Variants in CORIN observed in about 807,000 individuals in gnomAD.
The protein encoded by CORIN is corin, serine peptidase.
Under a neutral mutation model 125.3 loss-of-function variants are expected in CORIN, and 117 were observed. The observed-to-expected ratio is 0.93, with a 90% CI of 0.80 to 1.09. CORIN has a LOEUF of 1.09. Among genes scored for constraint, CORIN ranks in the 50% least tolerant of loss-of-function variants. The pLI is 0.00. For missense variants in CORIN, 1,253 were observed against 1,306.7 expected (o/e 0.96, Z 0.63); for synonymous variants, 450 against 466.4 (o/e 0.96, Z 0.45).
At chr4:47,721,916 C>T (rs1314831398) in intron 5 of CORIN, among the ~76,000 whole-genome samples, 1 of 152,190 alleles carries the variant, frequency 6.6e-6, no homozygotes, top group Non-Finnish European at 1.5e-5. Context: ...CTACCTTAAC[C>T]ATATTCACCA....
At chr4:47,778,236 C>G (rs1423343896) in intron 3 of CORIN, among the ~76,000 whole-genome samples, 1 of 152,190 alleles carries the variant, frequency 6.6e-6, no homozygotes, top group Non-Finnish European at 1.5e-5. Context: ...GACTGTTTGA[C>G]TCTCACTTGC....
intron 4 of CORIN, among the ~76,000 whole-genome samples, chr4:47,752,241 A>G (rs1728935819): frequency 6.6e-6 from 1 of 152,168 alleles, no homozygotes; most frequent in African/African-American, 2.4e-5. Context: ...ACTATCCGCT[A>G]AACGAGTATT....
intron 3 of CORIN, among the ~76,000 whole-genome samples, chr4:47,773,699 TC>T (rs1381747088): frequency 2.0e-5 from 3 of 152,070 alleles, no homozygotes; most frequent in Admixed American, 6.6e-5. Flanking sequence ...AAAATGAACT[TC>T]TAGTCTCCTT....
intron 16 of CORIN, among the ~76,000 whole-genome samples, chr4:47,628,222 G>A (rs532470668): frequency 6.6e-6 from 1 of 152,294 alleles, no homozygotes; most frequent in Admixed American, 6.5e-5. Context: ...AAAAAAGTCA[G>A]TGAATTTGTT....
At position 47,595,695 on chromosome 4, in the gene CORIN, G is replaced by A; in HGVS notation, c.*26C>T. On this transcript the variant is annotated 3_prime_UTR_variant, in exon 22 of 22. Transcript: ENST00000273857. ...AGGCCATTTTCTTTTAGTGTAGCTG[G>A]CAAAAGTCTCTGATCATCCTTATAA... is the stretch of plus-strand genomic sequence containing the variant. 6.4e-7 allele frequency: 1 copy of A among 1,563,740 alleles called. No homozygotes were observed. Among genetic ancestry groups the A allele is most frequent in the South Asian group, 1.2e-5 (1 of 82,148 alleles).
chr4:47,617,407 T>C (rs951686805), intron 19 of CORIN, among the ~76,000 whole-genome samples: 1 of 152,200 alleles, frequency 6.6e-6, no homozygotes, highest in Non-Finnish European at 1.5e-5. Context: ...GCTCCAAGTT[T>C]CTGAAAGCCC....
intron 16 of CORIN, among the ~76,000 whole-genome samples, chr4:47,641,302 G>T (rs1445304739): frequency 6.6e-6 from 1 of 152,034 alleles, no homozygotes; most frequent in Non-Finnish European, 1.5e-5. Context: ...AATGGTAAAA[G>T]AAATACTTAC....
intron 12 of CORIN, among the ~76,000 whole-genome samples, chr4:47,654,014 T>C (rs765689906): frequency 2.0e-5 from 3 of 152,190 alleles, no homozygotes; most frequent in Non-Finnish European, 1.5e-5. Context: ...CACATCCCCA[T>C]CTTTCCACCT....
At chr4:47,637,147 T>C (rs1723057753) in intron 16 of CORIN, among the ~76,000 whole-genome samples, 3 of 152,180 alleles carry the variant, frequency 2.0e-5, no homozygotes, top group South Asian at 2.1e-4. Flanking sequence ...CCCTAGAGAT[T>C]TGTGGAACTT....
At chr4:47,799,106 G>T (rs930606281) in intron 2 of CORIN, among the ~76,000 whole-genome samples, 8 of 141,452 alleles carry the variant, frequency 5.7e-5, no homozygotes, top group East Asian at 4.1e-4. Flanking sequence ...TATCCCATGG[G>T]GTGTGTGTGT....
intron 19 of CORIN, among the ~76,000 whole-genome samples, chr4:47,614,351 A>T (rs962464215): frequency 6.6e-6 from 1 of 152,086 alleles, no homozygotes; most frequent in East Asian, 1.9e-4. Context: ...GCCCACCACC[A>T]TGCCTGGCTA....
intron 5 of CORIN, among the ~76,000 whole-genome samples, chr4:47,702,083 C>T (rs16860615): frequency 0.016 from 2,433 of 151,954 alleles, 73 homozygotes; most frequent in African/African-American, 0.054. Flanking sequence ...TGCTACCTTC[C>T]GAATTTGTTT....
At chr4:47,622,483 C>T (rs10009672) in intron 19 of CORIN, among the ~76,000 whole-genome samples, 39,610 of 149,080 alleles carry the variant, frequency 0.27, 5,296 homozygotes, top group Admixed American at 0.35. Flanking sequence ...AAAAGTGTTC[C>T]TATTTCTCCA....
intron 1 of CORIN, among the ~76,000 whole-genome samples, chr4:47,819,602 C>G (rs1228287551): frequency 6.6e-6 from 1 of 152,054 alleles, no homozygotes; most frequent in Non-Finnish European, 1.5e-5. Context: ...TGAAGGGAAT[C>G]AGAGTCTCCC....
Position 47,786,765 on chromosome 4 carries a change from C to A in CORIN, c.369G>T (p.Thr123=). 6.2e-7 allele frequency: 1 copy of A among 1,614,164 alleles called. No individual in the cohort carries two copies. Among genetic ancestry groups the A allele is most frequent in the Non-Finnish European group, 8.5e-7 (1 of 1,180,032 alleles). The part of the protein sequence containing the change: ...HPDQHVPAWT[T]DASLPGDQSH... ...TTTGGTCCCCTGGGAGAGAAGCATC[C>A]GTAGTCCAGGCTGGAACGTGTTGGT... Residue 123 remains threonine, a synonymous_variant, in exon 3 of 22, where the codon ACG becomes ACT. Coordinates refer to ENST00000273857, the MANE Select transcript of CORIN (RefSeq NM_006587.4).
Position 47,675,929 on chromosome 4 carries a change from A to G in CORIN, c.1250-1429T>C, listed in dbSNP as rs572176673. Among the ~76,000 whole-genome samples the G allele has an allele frequency of 7.9e-5, 12 of 152,272 alleles. No homozygotes were observed. The South Asian group carries it at 2.5e-3, about 32-fold the overall frequency. On this transcript the variant is annotated intron_variant, in intron 9 of 21. Transcript: ENST00000273857. Reference sequence around the variant, plus strand: ...GAGACCAGTATGGGGAAGTTTCTCAAAGGACTTTTCCAAGTCATGGTAAGA... The same window carrying G: ...GAGACCAGTATGGGGAAGTTTCTCAGAGGACTTTTCCAAGTCATGGTAAGA...
intron 5 of CORIN, 121 bp from the exon 6 acceptor site, chr4:47,693,204 C>T: frequency 5.8e-6 from 4 of 690,202 alleles, no homozygotes; most frequent in Admixed American, 2.8e-5. Context: ...TTCCAAATTC[C>T]CTCAGTTTTA....
At chr4:47,661,916 T>A (rs1724267324) in intron 11 of CORIN, 60 bp from the exon 12 acceptor site, 3 of 1,482,246 alleles carry the variant, frequency 2.0e-6, no homozygotes, top group Non-Finnish European at 2.7e-6. Flanking sequence ...GAGACAGATG[T>A]CATAAATTTA....
chr4:47,775,735 G>A (rs1464556728), intron 3 of CORIN, among the ~76,000 whole-genome samples: 1 of 152,142 alleles, frequency 6.6e-6, no homozygotes, highest in Non-Finnish European at 1.5e-5. Context: ...GGTTGACAGC[G>A]TTTGATGTGT....
Sources: gnomAD v4.1 joint callset for allele counts (sites outside exome capture counted in the v4.1 genomes callset) on GRCh38, gnomAD v4.1.1 for gene constraint, MANE v1.5 for transcripts, NCBI Gene and HGNC (gene_info 2026-07-23, HGNC 2026-07-21) for gene names.